NAP1L4: variants seen among roughly 807,000 people sequenced by gnomAD.
The protein encoded by NAP1L4 is nucleosome assembly protein 1 like 4, also known as nucleosome assembly protein 1-like 4.
In NAP1L4, 15 loss-of-function variants were observed where a neutral mutation model predicts 58.2. The observed-to-expected ratio is 0.26, with a 90% CI of 0.17 to 0.40. The LOEUF is 0.40. NAP1L4 is among the 10% of genes least tolerant of loss of function. NAP1L4 has a pLI of 1.00. For missense variants in NAP1L4, 384 were observed against 451.1 expected (o/e 0.85, Z 1.35); for synonymous variants, 171 against 155.6 (o/e 1.10, Z -0.74).
At chr11:2,961,145 C>G (rs1051679186) in intron 8 of NAP1L4, among the ~76,000 whole-genome samples, 1 of 151,568 alleles carries the variant, frequency 6.6e-6, no homozygotes, top group African/African-American at 2.4e-5. Context: ...ATTAAGAGGA[C>G]TAAAAAAAAT....
Position 2,947,617 on chromosome 11 carries a change from C to CG in NAP1L4, c.*32+1609dup, listed in dbSNP as rs1352392786. ...ATTGTTTTTAGCTTGTGACACATGC[C>CG]GAAAAAAAAAAAACTACACCTAAAC... On this transcript the variant is annotated intron_variant, in intron 15 of 15. Coordinates refer to ENST00000380542, the MANE Select transcript of NAP1L4 (RefSeq NM_005969.4). Among the ~76,000 whole-genome samples the CG allele has an allele frequency of 5.4e-5, 8 of 149,300 alleles. No individual in the cohort carries two copies. In the East Asian group the frequency reaches 1.2e-3, roughly 22 times the overall value.
intron 1 of NAP1L4, chr11:2,988,201 C>G (rs1439948447): frequency 6.6e-6 from 1 of 152,252 alleles, no homozygotes; most frequent in Non-Finnish European, 1.5e-5. Context: ...TGGGGCGCAG[C>G]AGTCTTTACT....
chr11:2,987,319 T>C (rs1231155369), intron 1 of NAP1L4, among the ~76,000 whole-genome samples: 2 of 151,822 alleles, frequency 1.3e-5, no homozygotes, highest in Non-Finnish European at 2.9e-5. Flanking sequence ...TTGTTGTTTT[T>C]TGAGGTGGAG....
intron 7 of NAP1L4, among the ~76,000 whole-genome samples, chr11:2,969,365 T>TACACAC (rs112028410): frequency 1.5e-4 from 23 of 151,232 alleles, no homozygotes; most frequent in African/African-American, 2.7e-4. Flanking sequence ...GATGTGTGTG[T>TACACAC]ACACACACAC....
Position 2,949,762 on chromosome 11 carries a change from GA to G in NAP1L4, c.1123-499del, listed in dbSNP as rs201028442. ...ATGCTCTTTTAGAAACCTGGGACGT[GA>G]AAGGAGACTCAAGGTTCTCCAAGGT... On this transcript the variant is annotated intron_variant, in intron 14 of 15. Coordinates refer to ENST00000380542, the MANE Select transcript of NAP1L4 (RefSeq NM_005969.4). This position sits in a 1 kb window ranked among gnomAD's most constrained non-coding sequence, Gnocchi z 4.0. Among the ~76,000 whole-genome samples the G allele has an allele frequency of 6.8e-3, 1,040 of 152,350 alleles. 6 individuals are homozygous for G. Among genetic ancestry groups the G allele is most frequent in the Non-Finnish European group, 0.011 (716 of 68,032 alleles).
intron 1 of NAP1L4, chr11:2,990,550 T>G (rs1045713239): frequency 1.3e-5 from 2 of 152,236 alleles, no homozygotes; most frequent in African/African-American, 4.8e-5. Flanking sequence ...ATGGAAATGA[T>G]CAACCAGCTC....
At chr11:2,947,452 T>C (rs2133890202) in intron 15 of NAP1L4, among the ~76,000 whole-genome samples, 1 of 152,334 alleles carries the variant, frequency 6.6e-6, no homozygotes. Context: ...CCCCCGTGCC[T>C]TGAGGGCACA....
At chr11:2,974,553 C>T (rs1385624868) in intron 4 of NAP1L4, among the ~76,000 whole-genome samples, 2 of 152,160 alleles carry the variant, frequency 1.3e-5, no homozygotes, top group Non-Finnish European at 2.9e-5. Context: ...ACACCTTGCC[C>T]ACTAAGTAAT....
chr11:2,945,640 G>C lies in NAP1L4; in HGVS notation c.*39C>G. On this transcript the variant is annotated 3_prime_UTR_variant, in exon 16 of 16. Transcript: ENST00000380542. ...TGCTTGCATTCCGCCGGCTGGCTGGGTTCCTTCTGTCAATGAAAAAGACAA... is the reference window on the plus strand; with the variant it reads ...TGCTTGCATTCCGCCGGCTGGCTGGCTTCCTTCTGTCAATGAAAAAGACAA... 1.3e-6 allele frequency: 2 copies of C among 1,535,984 alleles called. No homozygotes were observed. The highest frequency in any genetic ancestry group is 1.7e-6 in the Non-Finnish European group (2 of 1,146,868).
intron 14 of NAP1L4, among the ~76,000 whole-genome samples, chr11:2,950,417 C>T (rs1846161717): frequency 6.6e-6 from 1 of 152,220 alleles, no homozygotes; most frequent in Non-Finnish European, 1.5e-5. Context: ...ATCACACTGA[C>T]AGCTTTTAGT....
At chr11:2,991,296 G>A in intron 1 of NAP1L4, 1 of 348,232 alleles carries the variant, frequency 2.9e-6, no homozygotes, top group South Asian at 2.0e-5. Flanking sequence ...GCCATCCTTC[G>A]CTGGGGTGAA....
intron 7 of NAP1L4, among the ~76,000 whole-genome samples, chr11:2,968,046 A>G (rs1847390246): frequency 6.6e-6 from 1 of 152,164 alleles, no homozygotes; most frequent in Non-Finnish European, 1.5e-5. Context: ...CCACGTGAAG[A>G]TGCTCCAACC....
At chr11:2,957,800 CA>C (rs1846632714) in intron 10 of NAP1L4, among the ~76,000 whole-genome samples, 1 of 152,120 alleles carries the variant, frequency 6.6e-6, no homozygotes, top group African/African-American at 2.4e-5. Context: ...CGATGTTTTT[CA>C]AAAATGAAAG....
intron 8 of NAP1L4, among the ~76,000 whole-genome samples, chr11:2,962,559 G>A (rs1235930608): frequency 6.6e-6 from 1 of 152,164 alleles, no homozygotes; most frequent in Admixed American, 6.5e-5. Flanking sequence ...AAAGAGTATG[G>A]GGAAATTCAC....
intron 7 of NAP1L4, among the ~76,000 whole-genome samples, 177 bp from the exon 8 acceptor site, chr11:2,964,928 CAT>C (rs1847173052): frequency 6.6e-6 from 1 of 152,244 alleles, no homozygotes; most frequent in African/African-American, 2.4e-5. Flanking sequence ...AACTCCCTGT[CAT>C]AGAGAAGCAG....
At chr11:2,989,756 G>A (rs6578310) in intron 1 of NAP1L4, 1 of 152,026 alleles carries the variant, frequency 6.6e-6, no homozygotes, top group African/African-American at 2.4e-5. Flanking sequence ...GACAGGTTAG[G>A]AAGTTTTCAT....
At chr11:2,947,652 GAAGCGTCCTTTA>G (rs887321841) in intron 15 of NAP1L4, among the ~76,000 whole-genome samples, 1 of 151,884 alleles carries the variant, frequency 6.6e-6, no homozygotes, top group African/African-American at 2.4e-5. Context: ...CTCCCAAACT[GAAGCGTCCTTTA>G]TCTCATGTCA....
Position 2,945,663 on chromosome 11 carries a change from C to T in NAP1L4, c.*33-17G>A. On this transcript the variant is annotated splice_polypyrimidine_tract_variant and intron_variant, in intron 15 of 15. Coordinates refer to ENST00000380542, the MANE Select transcript of NAP1L4 (RefSeq NM_005969.4). The stretch of plus-strand genomic sequence containing the variant: ...GGGTTCCTTCTGTCAATGAAAAAGA[C>T]AAGGCTTGTAGAGAGCAAAGCCAGC... The T allele has an allele frequency of 3.3e-6, 5 of 1,535,696 alleles. No homozygotes were observed. The highest frequency in any genetic ancestry group is 3.5e-6 in the Non-Finnish European group (4 of 1,146,588).
At chr11:2,977,985 A>C (rs1848066822) in intron 3 of NAP1L4, among the ~76,000 whole-genome samples, 1 of 152,056 alleles carries the variant, frequency 6.6e-6, no homozygotes, top group Non-Finnish European at 1.5e-5. Context: ...TGGGTAACAC[A>C]GCAAGGCTCC....
Sources: allele counts gnomAD v4.1 joint callset (sites outside exome capture counted in the v4.1 genomes callset), GRCh38; gene constraint gnomAD v4.1.1; non-coding constraint Gnocchi (gnomAD v3.1); transcripts MANE v1.5; gene names NCBI Gene and HGNC (gene_info 2026-07-23, HGNC 2026-07-21).